The following MEAF6 variants were observed in gnomAD, a reference collection of about 807,000 sequenced individuals.
MEAF6 encodes the protein MYST/Esa1 associated factor 6.
In MEAF6, 15 loss-of-function variants were observed where a neutral mutation model predicts 28.9. The ratio of observed to expected loss-of-function variants is 0.52; its 90% CI spans 0.35 to 0.80. The LOEUF (loss-of-function observed/expected upper bound fraction) is 0.80. Ranked by LOEUF, MEAF6 falls within the 30% of genes least tolerant of loss-of-function variation. The probability of loss-of-function intolerance (pLI) is 0.01; values close to 1 mark genes in which losing one functional copy is unlikely to be tolerated. For missense variants in MEAF6, 178 were observed against 237.5 expected (o/e 0.75, Z 1.65); for synonymous variants, 97 against 88.7 (o/e 1.09, Z -0.53).
chr1:37,513,651 A>C (rs1569994028), intron 1 of MEAF6, 113 bp from the exon 2 acceptor site: 1 of 817,630 alleles, frequency 1.2e-6, no homozygotes, highest in Non-Finnish European at 2.1e-6. Context: ...CCCACACTAA[A>C]CCACCCTGTG....
At chr1:37,513,783 T>G in intron 1 of MEAF6, 1 of 569,748 alleles carries the variant, frequency 1.8e-6, no homozygotes, top group South Asian at 2.4e-5. Context: ...CACGCGAAAT[T>G]TTGCATATAC....
intron 2 of MEAF6, among the ~76,000 whole-genome samples, chr1:37,511,266 G>A (rs1051868139): frequency 3.9e-5 from 6 of 152,186 alleles, no homozygotes; most frequent in African/African-American, 1.4e-4. Flanking sequence ...GCCAGCTTGA[G>A]GAGGCTCCCT....
chr1:37,512,532 A>G (rs1642702586), intron 2 of MEAF6, among the ~76,000 whole-genome samples: 1 of 152,188 alleles, frequency 6.6e-6, no homozygotes, highest in Non-Finnish European at 1.5e-5. Context: ...AAAAGTTTAG[A>G]AATTTTTTAA....
chr1:37,500,766 C>A (rs920748150), intron 5 of MEAF6, among the ~76,000 whole-genome samples: 1 of 152,166 alleles, frequency 6.6e-6, no homozygotes, highest in African/African-American at 2.4e-5. Flanking sequence ...ACCTTGGGTG[C>A]ATGAAGGAAT....
At chr1:37,504,530 GA>G (rs1642414366) in intron 4 of MEAF6, among the ~76,000 whole-genome samples, 1 of 151,892 alleles carries the variant, frequency 6.6e-6, no homozygotes, top group Non-Finnish European at 1.5e-5. Flanking sequence ...CAGCACTCTG[GA>G]AAGCCGACAC....
chr1:37,494,218 T>A, intron 6 of MEAF6, 111 bp from the exon 7 acceptor site: 1 of 903,164 alleles, frequency 1.1e-6, no homozygotes, highest in Non-Finnish European at 1.8e-6. Flanking sequence ...GCTCTATAGC[T>A]AAAGATTATA....
rs372912430 is a variant in MEAF6 at position 37,501,787 on chromosome 1, G to A, written c.533+17C>T. 9.1e-6 allele frequency: 14 copies of A among 1,543,360 alleles called. No individual in the cohort carries two copies. The African/African-American group carries it at 1.8e-4, about 20-fold the overall frequency. On this transcript the variant is annotated intron_variant, in intron 5 of 6. Coordinates refer to ENST00000296214, the MANE Select transcript of MEAF6 (RefSeq NM_001270875.3). The stretch of plus-strand genomic sequence containing the variant: ...AATGGTCATGGGAGCTGCGGGGGTG[G>A]GATCCCTGCCACTGACCTGTGCCGG...
rs57027729 is a variant in MEAF6 at position 37,491,026 on chromosome 1, C to CA, written c.*3072dup. On this transcript the variant is annotated 3_prime_UTR_variant, in exon 7 of 7. Transcript: ENST00000296214. ...TGGACGACAGAGCAAGACTCTGTCTCAAAAAAATAAATAAATAAAATAATG... is the reference window on the plus strand; with the variant it reads ...TGGACGACAGAGCAAGACTCTGTCTCAAAAAAAATAAATAAATAAAATAATG... 1.3e-5 allele frequency among the ~76,000 whole-genome samples: 2 copies of CA among 151,278 alleles called. No homozygotes were observed. Among genetic ancestry groups the CA allele is most frequent in the Non-Finnish European group, 2.9e-5 (2 of 67,826 alleles).
rs958601072 is a variant in MEAF6, at chr1:37,491,720, A to AAATG, written c.*2378_*2379insCATT. ...TCAATAAATAAATAAATAAATAAATAAATAAATAAAATATATAAATACTTA... is the reference window on the plus strand; with the variant it reads ...TCAATAAATAAATAAATAAATAAATAAATGAATAAATAAAATATATAAATACTTA... On this transcript the variant is annotated 3_prime_UTR_variant, in exon 7 of 7. Transcript: ENST00000296214. 6.6e-6 allele frequency among the ~76,000 whole-genome samples: 1 copy of AAATG among 150,608 alleles called. No individual in the cohort carries two copies. The highest frequency in any genetic ancestry group is 1.5e-5 in the Non-Finnish European group (1 of 67,734).
chr1:37,507,821 T>C (rs1410723495), intron 4 of MEAF6, among the ~76,000 whole-genome samples: 2 of 147,662 alleles, frequency 1.4e-5, no homozygotes, highest in Non-Finnish European at 3.0e-5. Context: ...CGAGACTCCG[T>C]CTTAAAAAAA....
rs537968626 is a variant in MEAF6, at chr1:37,506,496, T to C, written c.340+2782A>G. On this transcript the variant is annotated intron_variant, in intron 4 of 6. Transcript: ENST00000296214. ...AAGTGATCCTTCTCCCTCAGCCTCCTGAATCACTGGGGCTACAGGTGTGTG... is the reference window on the plus strand; with the variant it reads ...AAGTGATCCTTCTCCCTCAGCCTCCCGAATCACTGGGGCTACAGGTGTGTG... 1.2e-4 allele frequency among the ~76,000 whole-genome samples: 19 copies of C among 152,290 alleles called. 1 individual carries two copies. In the South Asian group the frequency reaches 3.5e-3, roughly 28 times the overall value.
chr1:37,502,257 TAG>T, intron 4 of MEAF6, among the ~76,000 whole-genome samples: 1 of 152,314 alleles, frequency 6.6e-6, no homozygotes, highest in African/African-American at 2.4e-5. Context: ...TTTGTTTTTA[TAG>T]AGATGAGAGT....
chr1:37,502,627 T>C (rs1642352607), intron 4 of MEAF6, among the ~76,000 whole-genome samples: 1 of 150,626 alleles, frequency 6.6e-6, no homozygotes. Flanking sequence ...TTTTTTTTTT[T>C]TTTTTTTTAA....
At chr1:37,499,336 A>T (rs764428620) in intron 5 of MEAF6, among the ~76,000 whole-genome samples, 24 of 152,162 alleles carry the variant, frequency 1.6e-4, no homozygotes, top group Non-Finnish European at 2.8e-4. Flanking sequence ...GGCACACTGG[A>T]GGATAAACAT....
intron 5 of MEAF6, 165 bp downstream of exon 5, chr1:37,501,639 C>A: frequency 3.5e-6 from 2 of 572,508 alleles, no homozygotes; most frequent in South Asian, 8.5e-5. Flanking sequence ...TAATGCCCAC[C>A]AATTCCTCCC....
rs1168160086 is a variant in MEAF6, at chr1:37,491,915, CTTT to C, written c.*2181_*2183del. 3.0e-5 allele frequency among the ~76,000 whole-genome samples: 4 copies of C among 132,770 alleles called. No individual in the cohort carries two copies. The highest frequency in any genetic ancestry group is 3.2e-5 in the Non-Finnish European group (2 of 61,970). 87.1% of individuals were successfully genotyped at this position (132,770 alleles called of 152,430 possible). ...CTTTTTAAGAGCAGTACTATTCTTT[CTTT>C]TTTTTTTTTTTTTTGACAGAGTCTC... On this transcript the variant is annotated 3_prime_UTR_variant, in exon 7 of 7. Coordinates refer to ENST00000296214, the MANE Select transcript of MEAF6 (RefSeq NM_001270875.3).
chr1:37,511,387 A>T (rs969989936), intron 2 of MEAF6, among the ~76,000 whole-genome samples: 1 of 152,232 alleles, frequency 6.6e-6, no homozygotes, highest in Non-Finnish European at 1.5e-5. Context: ...ACAATTAGAG[A>T]ATCACTATTT....
At chr1:37,497,155 A>C (rs7544462) in intron 5 of MEAF6, among the ~76,000 whole-genome samples, 7,771 of 152,338 alleles carry the variant, frequency 0.051, 292 homozygotes, top group Non-Finnish European at 0.077. Context: ...CTTTCACTAA[A>C]ATAAAAAACT....
intron 6 of MEAF6, among the ~76,000 whole-genome samples, 180 bp downstream of exon 6, chr1:37,495,705 A>AAC (rs1283616061): frequency 1.0e-4 from 9 of 87,124 alleles, no homozygotes; most frequent in Non-Finnish European, 1.3e-4. Context: ...AACAAAAAAC[A>AAC]AAAAAAAAAA....
Sources: allele counts gnomAD v4.1 joint callset (sites outside exome capture counted in the v4.1 genomes callset), GRCh38; gene constraint gnomAD v4.1.1; transcripts MANE v1.5; gene names NCBI Gene and HGNC (gene_info 2026-07-23, HGNC 2026-07-21).